The following CLEC14A variants were observed in gnomAD, a reference collection of about 807,000 sequenced individuals.
CLEC14A encodes the protein C-type lectin domain family 14 member A.
For synonymous variants in CLEC14A, 349 were observed against 292.0 expected, an observed-to-expected ratio of 1.20 and a Z score of -1.99; for missense variants, 682 against 659.9, an observed-to-expected ratio of 1.03 and a Z score of -0.37.
In CLEC14A at chr14:38,255,684, G is replaced by A; in HGVS notation, c.339C>T (p.Phe113=). ...CTLENEPLRG[F]SWLSSDPGGL... ...CGCCGGGGTCGGAGGACAGCCAGGA[G>A]AAACCCCGCAAAGGCTCGTTCTCCA... is the stretch of plus-strand genomic sequence containing the variant. Residue 113 remains phenylalanine (F), a synonymous_variant, in exon 1 of 1, where the codon TTC becomes TTT. Transcript: ENST00000342213. This position sits in a 1 kb window ranked among gnomAD's most constrained non-coding sequence, Gnocchi z 5.1. 1.9e-6 allele frequency: 3 copies of A among 1,591,780 alleles called. No homozygotes were observed. The highest frequency in any genetic ancestry group is 2.6e-6 in the Non-Finnish European group (3 of 1,171,948).
Position 38,255,847 on chromosome 14 carries a change from C to A in CLEC14A, c.176G>T (p.Gly59Val). Residue 59 changes from glycine (G) to valine (V), a missense_variant, in exon 1 of 1, where the codon GGG becomes GTG. By Grantham distance (109) the Gly-to-Val change is moderately radical (BLOSUM62 -3). Transcript: ENST00000342213. The surrounding 1 kb of genome is among the most constrained non-coding windows in gnomAD (Gnocchi z 5.1). Reference sequence around the variant, plus strand: ...GCCCGCACGCACGGTGCTGAGCGCCCCACCTCGCAGGATGCAGGCCTCCTC... The same window carrying A: ...GCCCGCACGCACGGTGCTGAGCGCCACACCTCGCAGGATGCAGGCCTCCTC... ...AAEEACILRGGALSTVRAGAE... is the reference protein window; with the variant it reads ...AAEEACILRGVALSTVRAGAE... The A allele has an allele frequency of 6.5e-7, 1 of 1,550,082 alleles. No homozygotes were observed. The highest frequency in any genetic ancestry group is 8.7e-7 in the Non-Finnish European group (1 of 1,154,976).
At position 38,254,701 on chromosome 14, in the gene CLEC14A, G is replaced by T. The variant is rs1343788833; in HGVS notation, c.1322C>A (p.Pro441Gln). The T allele has an allele frequency of 6.2e-7, 1 of 1,614,166 alleles. No homozygotes were observed. Among genetic ancestry groups the T allele is most frequent in the Admixed American group, 1.7e-5 (1 of 60,012 alleles). Residue 441 changes from proline to glutamine, a missense_variant, in exon 1 of 1, where the codon CCG becomes CAG. Transcript: ENST00000342213. ...GGGCTCAGGATCACTCTCCAGGCCC[G>T]GCGGGCCCATAGACTCCTTCCTTGG... ...SQPRKESMGP[P>Q]GLESDPEPAA...
At position 38,254,097 on chromosome 14, in the gene CLEC14A, T is replaced by C. The variant is rs1423603015; in HGVS notation, c.*453A>G. ...TACTCCTGGAGGAAGGCAATGATAT[T>C]TGAGTCTGGGTTATCAACAATCCTT... is the stretch of plus-strand genomic sequence containing the variant. On this transcript the variant is annotated 3_prime_UTR_variant, in exon 1 of 1. Transcript: ENST00000342213. 2 of 152,500 alleles carry C rather than the reference T, an allele frequency of 1.3e-5. No individual in the cohort carries two copies. Among genetic ancestry groups the C allele is most frequent in the Non-Finnish European group, 2.9e-5 (2 of 68,262 alleles). 9.4% of individuals were successfully genotyped at this position (152,500 alleles called of 1,614,324 possible). A position where few individuals can be genotyped will look rare whatever the true frequency, so the allele number is the denominator to read the frequency against.
rs764673839 is a variant in CLEC14A at position 38,255,060 on chromosome 14, G to GATT, written c.960_962dup (p.Ile321dup). 2 of 1,612,816 alleles carry GATT rather than the reference G, an allele frequency of 1.2e-6. No homozygotes were observed. Among genetic ancestry groups the GATT allele is most frequent in the African/African-American group, 2.7e-5 (2 of 74,916 alleles). On this transcript the variant is annotated inframe_insertion, in exon 1 of 1. Transcript: ENST00000342213. The surrounding 1 kb of genome is among the most constrained non-coding windows in gnomAD (Gnocchi z 5.1). ...TCTCTCCCAGCTTCTCGTCGACCCTGATTGGCCATGTTCTCTGCGGCACGG... is the reference window on the plus strand; with the variant it reads ...TCTCTCCCAGCTTCTCGTCGACCCTGATTATTGGCCATGTTCTCTGCGGCACGG...
Position 38,256,056 on chromosome 14 carries a change from C to G in CLEC14A, c.-34G>C, listed in dbSNP as rs1418726066. 10 of 1,486,730 alleles carry G rather than the reference C, an allele frequency of 6.7e-6. No homozygotes were observed. Among genetic ancestry groups the G allele is most frequent in the Non-Finnish European group, 8.9e-6 (10 of 1,119,188 alleles). The allele number at this position is 1,486,730 out of a possible 1,614,324, so 92.1% of individuals were successfully genotyped here. On this transcript the variant is annotated 5_prime_UTR_variant, in exon 1 of 1. Transcript: ENST00000342213. ...GCCCCGCACGCAGAGCTGCTCCCAACTTGGATCTGTCCCGCTCGAGGACGC... is the reference window on the plus strand; with the variant it reads ...GCCCCGCACGCAGAGCTGCTCCCAAGTTGGATCTGTCCCGCTCGAGGACGC...
In CLEC14A at chr14:38,255,557, C is replaced by G; in HGVS notation, c.466G>C (p.Gly156Arg). 1.2e-6 allele frequency: 2 copies of G among 1,613,220 alleles called. No individual in the cohort carries two copies. The highest frequency in any genetic ancestry group is 1.7e-6 in the Non-Finnish European group (2 of 1,179,972). The change falls in exon 1 of 1, where the codon GGC becomes CGC. Residue 156 changes from glycine to arginine, a missense_variant. Gly to Arg is a moderately radical substitution (Grantham distance 125). Transcript: ENST00000342213. The surrounding 1 kb of genome is among the most constrained non-coding windows in gnomAD (Gnocchi z 5.1). ...LQATGGVEPA[G>R]WKEMRCHLRA... ...AGGTGGCATCGCATCTCCTTCCAGC[C>G]TGCGGGCTCGACCCCACCGGTGGCC...
chr14:38,255,700 T>A lies in CLEC14A; in HGVS notation c.323A>T (p.Glu108Val). ...CAGCCAGGAGAAACCCCGCAAAGGC[T>A]CGTTCTCCAGGGTGCAGTGGGAACG... Reference protein sequence around the residue: ...RRRSHCTLENEPLRGFSWLSS... With the variant: ...RRRSHCTLENVPLRGFSWLSS... Residue 108 changes from glutamate (E) to valine (V), a missense_variant, in exon 1 of 1, where the codon GAG (glutamate) becomes GTG (valine). Glu to Val is a moderately radical substitution (Grantham distance 121). Coordinates refer to ENST00000342213, the MANE Select transcript of CLEC14A (RefSeq NM_175060.3). This position sits in a 1 kb window ranked among gnomAD's most constrained non-coding sequence, Gnocchi z 5.1. 4 of 1,579,786 alleles carry A rather than the reference T, an allele frequency of 2.5e-6. No homozygotes were observed. Among genetic ancestry groups the A allele is most frequent in the Non-Finnish European group, 3.4e-6 (4 of 1,165,778 alleles).
chr14:38,255,907 C>A lies in CLEC14A; in HGVS notation c.116G>T (p.Ser39Ile). The A allele has an allele frequency of 6.4e-7, 1 of 1,568,700 alleles. No homozygotes were observed. The highest frequency in any genetic ancestry group is 8.6e-7 in the Non-Finnish European group (1 of 1,163,756). ...AGCSASGACY[S>I]LHHATMKRQA... ...CCGCTTCATGGTAGCGTGGTGCAGG[C>A]TGTAGCAGGCCCCCGAGGCCGAGCA... Residue 39 changes from serine (S) to isoleucine (I), a missense_variant, in exon 1 of 1, where the codon AGC becomes ATC. By Grantham distance (142) the Ser-to-Ile change is moderately radical (BLOSUM62 -2). Transcript: ENST00000342213. The surrounding 1 kb of genome is among the most constrained non-coding windows in gnomAD (Gnocchi z 5.1).
At position 38,255,633 on chromosome 14, in the gene CLEC14A, C is replaced by T. The variant is rs1248138746; in HGVS notation, c.390G>A (p.Trp130Ter). 1.2e-6 allele frequency: 2 copies of T among 1,608,942 alleles called. No individual in the cohort carries two copies. Reference protein sequence around the residue: ...PGGLESDTLQWVEEPQRSCTA... With the variant: ...PGGLESDTLQ Reference sequence around the variant, plus strand: ...TGCAGGAGCGTTGGGGCTCCTCCACCCACTGCAGCGTGTCGCTTTCGAGAC... The same window carrying T: ...TGCAGGAGCGTTGGGGCTCCTCCACTCACTGCAGCGTGTCGCTTTCGAGAC... The change falls in exon 1 of 1, where the codon TGG (tryptophan) becomes TGA (stop). Residue 130 changes from tryptophan to a stop codon, truncating the protein, a stop_gained. Transcript: ENST00000342213. LOFTEE classifies it low-confidence loss of function (END_TRUNC). The surrounding 1 kb of genome is among the most constrained non-coding windows in gnomAD (Gnocchi z 5.1).
Position 38,254,316 on chromosome 14 carries a change from C to T in CLEC14A, c.*234G>A, listed in dbSNP as rs772342693. 27 of 404,956 alleles carry T rather than the reference C, an allele frequency of 6.7e-5. No homozygotes were observed. Among genetic ancestry groups the T allele is most frequent in the Non-Finnish European group, 1.0e-4 (24 of 229,778 alleles). 25.1% of individuals were successfully genotyped at this position (404,956 alleles called of 1,614,324 possible). On this transcript the variant is annotated 3_prime_UTR_variant, in exon 1 of 1. Transcript: ENST00000342213. ...TCTCCGAATAAACATAAGAAAATAT[C>T]TCTCCCCAGCACTACCCGGTCCCCC... is the stretch of plus-strand genomic sequence containing the variant.
At position 38,254,794 on chromosome 14, in the gene CLEC14A, A is replaced by G. The variant is rs1884007397; in HGVS notation, c.1229T>C (p.Leu410Ser). ...FIFVSTAVVV[L>S]VILTMTVLGL... is the part of the protein sequence containing the mutation. ...CAGTACTGTCATGGTCAAGATCACCAACACTACTACTGCTGTGCTCACAAA... is the reference window on the plus strand; with the variant it reads ...CAGTACTGTCATGGTCAAGATCACCGACACTACTACTGCTGTGCTCACAAA... The change falls in exon 1 of 1, where the codon TTG becomes TCG. Residue 410 changes from leucine to serine, a missense_variant. By Grantham distance (145) the Leu-to-Ser change is moderately radical (BLOSUM62 -2). Transcript: ENST00000342213. The G allele has an allele frequency of 3.1e-6, 5 of 1,614,178 alleles. No homozygotes were observed. Among genetic ancestry groups the G allele is most frequent in the Non-Finnish European group, 4.2e-6 (5 of 1,180,034 alleles).
rs759229357 is a variant in CLEC14A at position 38,255,605 on chromosome 14, C to A, written c.418G>T (p.Ala140Ser). 24 of 1,611,456 alleles carry A rather than the reference C, an allele frequency of 1.5e-5. No homozygotes were observed. The highest frequency in any genetic ancestry group is 1.4e-4 in the South Asian group (13 of 91,054). Reference sequence around the variant, plus strand: ...GCCTGGAGTACCGCGCATCTCCGCGCGGTGCAGGAGCGTTGGGGCTCCTCC... The same window carrying A: ...GCCTGGAGTACCGCGCATCTCCGCGAGGTGCAGGAGCGTTGGGGCTCCTCC... The part of the protein sequence containing the change: ...WVEEPQRSCT[A>S]RRCAVLQATG... Residue 140 changes from alanine to serine, a missense_variant, in exon 1 of 1, where the codon GCG (alanine) becomes TCG (serine). Ala to Ser is a moderately conservative substitution (Grantham distance 99, BLOSUM62 1). Transcript: ENST00000342213. The surrounding 1 kb of genome is among the most constrained non-coding windows in gnomAD (Gnocchi z 5.1).
rs1322328482 is a variant in CLEC14A, at chr14:38,255,166, C to G, written c.857G>C (p.Cys286Ser). The G allele has an allele frequency of 6.2e-7, 1 of 1,613,564 alleles. No homozygotes were observed. The highest frequency in any genetic ancestry group is 1.3e-5 in the African/African-American group (1 of 74,928). Residue 286 changes from cysteine to serine, a missense_variant, in exon 1 of 1, where the codon TGT becomes TCT. Coordinates refer to ENST00000342213, the MANE Select transcript of CLEC14A (RefSeq NM_175060.3). This position sits in a 1 kb window ranked among gnomAD's most constrained non-coding sequence, Gnocchi z 5.1. ...GFELGKDGRS[C>S]VTSGEGQPTL... ...CGGCTGTCCTTCCCCACTGGTCACA[C>G]AAGAGCGGCCGTCCTTCCCCAGCTC... is the stretch of plus-strand genomic sequence containing the variant.
At position 38,255,598 on chromosome 14, in the gene CLEC14A, C is replaced by T. The variant is rs1884037502; in HGVS notation, c.425G>A (p.Arg142Lys). The T allele has an allele frequency of 6.2e-7, 1 of 1,612,028 alleles. No individual in the cohort carries two copies. Among genetic ancestry groups the T allele is most frequent in the Non-Finnish European group, 8.5e-7 (1 of 1,179,876 alleles). ...EEPQRSCTAR[R>K]CAVLQATGGV... ...ACCGGTGGCCTGGAGTACCGCGCAT[C>T]TCCGCGCGGTGCAGGAGCGTTGGGG... Residue 142 changes from arginine (R) to lysine (K), a missense_variant, in exon 1 of 1, where the codon AGA becomes AAA. Physicochemically the swap from Arg to Lys is conservative, Grantham distance 26. Transcript: ENST00000342213. The surrounding 1 kb of genome is among the most constrained non-coding windows in gnomAD (Gnocchi z 5.1).
chr14:38,255,525 G>T lies in CLEC14A; in HGVS notation c.498C>A (p.Ala166=). The part of the protein sequence containing the change: ...GWKEMRCHLR[A]NGYLCKYQFE... ...ACTGGTACTTGCACAGGTAGCCGTTGGCGCGCAGGTGGCATCGCATCTCCT... is the reference window on the plus strand; with the variant it reads ...ACTGGTACTTGCACAGGTAGCCGTTTGCGCGCAGGTGGCATCGCATCTCCT... Residue 166 remains alanine, a synonymous_variant, in exon 1 of 1, where the codon GCC becomes GCA. Coordinates refer to ENST00000342213, the MANE Select transcript of CLEC14A (RefSeq NM_175060.3). This position sits in a 1 kb window ranked among gnomAD's most constrained non-coding sequence, Gnocchi z 5.1. 6.2e-7 allele frequency: 1 copy of T among 1,613,286 alleles called. No individual in the cohort carries two copies. The highest frequency in any genetic ancestry group is 8.5e-7 in the Non-Finnish European group (1 of 1,180,008).
Position 38,255,466 on chromosome 14 carries a change from G to GC in CLEC14A, c.556dup (p.Ala186GlyfsTer4). The GC allele has an allele frequency of 1.2e-6, 2 of 1,613,124 alleles. No homozygotes were observed. Among genetic ancestry groups the GC allele is most frequent in the South Asian group, 1.1e-5 (1 of 91,074 alleles). On this transcript the variant is annotated frameshift_variant, in exon 1 of 1. Transcript: ENST00000342213. LOFTEE classifies it low-confidence loss of function (END_TRUNC). This position sits in a 1 kb window ranked among gnomAD's most constrained non-coding sequence, Gnocchi z 5.1. Reference sequence around the variant, plus strand: ...CGCGCGATAGCTCAAGTTAGAGGCGGCCCCGGGGCGCGGCGCAGGACACAA... The same window carrying GC: ...CGCGCGATAGCTCAAGTTAGAGGCGGCCCCCGGGGCGCGGCGCAGGACACAA...
At position 38,255,153 on chromosome 14, in the gene CLEC14A, C is replaced by T. The variant is rs1486956386; in HGVS notation, c.870G>A (p.Gly290=). ...TCCCCCCAAGGGTCGGCTGTCCTTC[C>T]CCACTGGTCACACAAGAGCGGCCGT... ...GKDGRSCVTS[G]EGQPTLGGTG... is the part of the protein sequence containing the mutation. Residue 290 remains glycine (G), a synonymous_variant, in exon 1 of 1, where the codon GGG becomes GGA. Coordinates refer to ENST00000342213, the MANE Select transcript of CLEC14A (RefSeq NM_175060.3). This position sits in a 1 kb window ranked among gnomAD's most constrained non-coding sequence, Gnocchi z 5.1. 4 of 1,613,408 alleles carry T rather than the reference C, an allele frequency of 2.5e-6. No homozygotes were observed. Among genetic ancestry groups the T allele is most frequent in the East Asian group, 2.2e-5 (1 of 44,856 alleles).
chr14:38,255,297 C>A lies in CLEC14A; in HGVS notation c.726G>T (p.Val242=). 4 of 1,613,760 alleles carry A rather than the reference C, an allele frequency of 2.5e-6. No individual in the cohort carries two copies. In the Admixed American group the frequency reaches 6.7e-5, roughly 27 times the overall value. ...GARWDKLSGD[V]LCPCPGRYLR... The stretch of plus-strand genomic sequence containing the variant: ...GGTACCTCCCGGGGCAGGGACACAA[C>A]ACATCGCCCGAGAGTTTGTCCCAGC... Residue 242 remains valine, a synonymous_variant, in exon 1 of 1, where the codon GTG becomes GTT. Coordinates refer to ENST00000342213, the MANE Select transcript of CLEC14A (RefSeq NM_175060.3). The surrounding 1 kb of genome is among the most constrained non-coding windows in gnomAD (Gnocchi z 5.1).
Position 38,254,890 on chromosome 14 carries a change from G to A in CLEC14A, c.1133C>T (p.Ser378Phe). The change falls in exon 1 of 1, where the codon TCC becomes TTC. Residue 378 changes from serine (S) to phenylalanine (F), a missense_variant. Transcript: ENST00000342213. ...AGAGGAAGTCGTAGAATTAAACTTG[G>A]AAATCACGCTCCCTGATGGGGTGAT... is the stretch of plus-strand genomic sequence containing the variant. The part of the protein sequence containing the change: ...ATITPSGSVI[S>F]KFNSTTSSAT... 1 of 1,614,090 alleles carries A rather than the reference G, an allele frequency of 6.2e-7. No individual in the cohort carries two copies. Among genetic ancestry groups the A allele is most frequent in the South Asian group, 1.1e-5 (1 of 91,058 alleles).
Sources: allele counts gnomAD v4.1 joint callset, GRCh38; gene constraint gnomAD v4.1.1; non-coding constraint Gnocchi (gnomAD v3.1); transcripts MANE v1.5; gene names NCBI Gene and HGNC (gene_info 2026-07-23, HGNC 2026-07-21).